SYTL2: variants seen among roughly 807,000 people sequenced by gnomAD.
The protein encoded by SYTL2 is synaptotagmin like 2.
In SYTL2, 165 loss-of-function variants were observed where a neutral mutation model predicts 198.7. That is an observed-to-expected ratio of 0.83 (90% CI 0.73 to 0.94). The LOEUF is 0.94. SYTL2 is among the 40% of genes least tolerant of loss of function. The probability of loss-of-function intolerance (pLI) is 0.00; values close to 1 mark genes in which losing one functional copy is unlikely to be tolerated. For synonymous variants in SYTL2, 966 were observed against 917.7 expected, an observed-to-expected ratio of 1.05 and a Z score of -0.95; for missense variants, 2,835 against 2,582.8, an observed-to-expected ratio of 1.10 and a Z score of -2.12.
intron 1 of SYTL2, among the ~76,000 whole-genome samples, chr11:85,773,394 C>A (rs2092395010): frequency 1.3e-5 from 2 of 152,224 alleles, no homozygotes; most frequent in Admixed American, 1.3e-4. Flanking sequence ...CTCCTTTTGC[C>A]TGCAAGGTCT....
chr11:85,787,698 TTCC>T (rs1357031150), intron 1 of SYTL2, among the ~76,000 whole-genome samples: 13 of 102,588 alleles, frequency 1.3e-4, no homozygotes, highest in Admixed American at 3.3e-4. Context: ...TTTTTTTCTT[TTCC>T]TTTTTTTTTT....
At chr11:85,717,614 T>TGTGAAAC in intron 10 of SYTL2, 84 bp from the exon 11 acceptor site, 1 of 1,139,224 alleles carries the variant, frequency 8.8e-7, no homozygotes, top group Non-Finnish European at 1.3e-6. Flanking sequence ...AAATGTCAGT[T>TGTGAAAC]TCACAACTGA....
the SYTL2 span, among the ~76,000 whole-genome samples, chr11:85,831,437 T>A: frequency 2.6e-5 from 4 of 152,310 alleles, no homozygotes; most frequent in East Asian, 7.7e-4. Context: ...AAAACCCATC[T>A]GAAAAACAAT....
In SYTL2 at chr11:85,727,739, T is replaced by G. The variant is rs539271679; in HGVS notation, c.1619A>C (p.Gln540Pro). 1 of 1,553,884 alleles carries G rather than the reference T, an allele frequency of 6.4e-7. No homozygotes were observed. Among genetic ancestry groups the G allele is most frequent in the South Asian group, 1.2e-5 (1 of 84,336 alleles). ...SYSDDNKSFLQHPRGIESKEK... is the reference protein window; with the variant it reads ...SYSDDNKSFLPHPRGIESKEK... ...TTTGGACTCTATTCCTCGGGGATGT[T>G]GGAGGAATGACTTATTGTCATCTGA... The change falls in exon 8 of 20, where the codon CAA (glutamine) becomes CCA (proline). Residue 540 changes from glutamine to proline, a missense_variant. Transcript: ENST00000359152.
At chr11:85,802,509 A>G (rs1410262011) in intron 1 of SYTL2, among the ~76,000 whole-genome samples, 1 of 152,162 alleles carries the variant, frequency 6.6e-6, no homozygotes, top group Non-Finnish European at 1.5e-5. Flanking sequence ...TTTCCCTGGC[A>G]GTTGCTCTCT....
In SYTL2 at chr11:85,718,810, A is replaced by C; in HGVS notation, c.5462T>G (p.Leu1821Ter). ...TTTACCATCTTCAGCACTACGCACT[A>C]ATTCTTCTGGCTGATTATCTACTTT... ...QAKVDNQPEELVRSAEDDEKP... is the reference protein window; with the variant it reads ...QAKVDNQPEE The change falls in exon 10 of 20, where the codon TTA (leucine) becomes TGA (stop). Residue 1821 changes from leucine (L) to a stop codon, truncating the protein, a stop_gained. Transcript: ENST00000359152. LOFTEE classifies it high-confidence loss of function. 2 of 1,613,694 alleles carry C rather than the reference A, an allele frequency of 1.2e-6. No homozygotes were observed. The highest frequency in any genetic ancestry group is 1.7e-6 in the Non-Finnish European group (2 of 1,179,682).
intron 3 of SYTL2, among the ~76,000 whole-genome samples, chr11:85,747,953 C>G (rs1277855831): frequency 1.3e-5 from 2 of 152,150 alleles, no homozygotes; most frequent in Non-Finnish European, 2.9e-5. Context: ...TCATTTTACT[C>G]AGAAGATTCT....
At chr11:85,791,874 G>A (rs1309344468) in intron 1 of SYTL2, among the ~76,000 whole-genome samples, 1 of 152,064 alleles carries the variant, frequency 6.6e-6, no homozygotes. Context: ...ACTGAGAAAG[G>A]CCCATAACTC....
At chr11:85,729,299 A>C (rs2089565886) in intron 7 of SYTL2, among the ~76,000 whole-genome samples, 1 of 152,226 alleles carries the variant, frequency 6.6e-6, no homozygotes, top group Non-Finnish European at 1.5e-5. Flanking sequence ...TCTTCTCAGC[A>C]CCACATCGCA....
chr11:85,829,234 C>CT, the SYTL2 span, among the ~76,000 whole-genome samples: 1 of 152,124 alleles, frequency 6.6e-6, no homozygotes, highest in African/African-American at 2.4e-5. Context: ...GCCCTGCTCC[C>CT]TCCCTCATCT....
At chr11:85,737,481 AC>A in intron 5 of SYTL2, 93 bp downstream of exon 5, 1 of 996,782 alleles carries the variant, frequency 1.0e-6, no homozygotes, top group Non-Finnish European at 1.5e-6. Context: ...AAACTGTACT[AC>A]AAAATTCTCT....
intron 1 of SYTL2, among the ~76,000 whole-genome samples, chr11:85,761,380 G>T (rs2092092583): frequency 6.6e-6 from 1 of 152,124 alleles, no homozygotes; most frequent in Non-Finnish European, 1.5e-5. Context: ...GATATCCCAG[G>T]GTTCTGAGGT....
the SYTL2 span, among the ~76,000 whole-genome samples, chr11:85,840,520 A>C: frequency 6.5e-4 from 99 of 152,288 alleles, no homozygotes; most frequent in African/African-American, 2.3e-3. Context: ...GTACTGGTAC[A>C]AAAACAGACA....
At chr11:85,718,518 C>T in intron 10 of SYTL2, 1 of 416,674 alleles carries the variant, frequency 2.4e-6, no homozygotes, top group South Asian at 3.6e-5. Flanking sequence ...CAGCTCACAT[C>T]CAAAGAAATA....
At chr11:85,778,780 C>T (rs1016601811) in intron 1 of SYTL2, among the ~76,000 whole-genome samples, 3 of 152,142 alleles carry the variant, frequency 2.0e-5, no homozygotes, top group Non-Finnish European at 4.4e-5. Context: ...AGTTTGAGAC[C>T]AGCCTGGGCC....
chr11:85,727,489 GGT>G lies in SYTL2; in HGVS notation c.1867_1868del (p.Thr623ProfsTer12), dbSNP rs1207010226. The G allele has an allele frequency of 4.6e-6, 7 of 1,535,768 alleles. No individual in the cohort carries two copies. Among genetic ancestry groups the G allele is most frequent in the Non-Finnish European group, 6.1e-6 (7 of 1,146,850 alleles). ...GCAATATACCTGGGCCTTCCTTTGG[GGT>G]GCCTTTTTGGGACAAATTCATGAAT... ...SKFMNLSQKG[T>X]PKEGPGILQP... On this transcript the variant is annotated frameshift_variant, in exon 8 of 20. Coordinates refer to ENST00000359152, the MANE Select transcript of SYTL2 (RefSeq NM_206927.4). LOFTEE classifies it high-confidence loss of function.
At chr11:85,790,138 G>C (rs1301342496) in intron 1 of SYTL2, among the ~76,000 whole-genome samples, 2 of 152,062 alleles carry the variant, frequency 1.3e-5, no homozygotes, top group African/African-American at 2.4e-5. Flanking sequence ...TTTGTGCATA[G>C]AACAAAGTTT....
chr11:85,766,377 A>G (rs140703187), intron 1 of SYTL2, among the ~76,000 whole-genome samples: 63 of 152,348 alleles, frequency 4.1e-4, no homozygotes, highest in Non-Finnish European at 8.1e-4. Flanking sequence ...TAAACTTCAT[A>G]CCTGAGCTGA....
upstream of SYTL2, among the ~76,000 whole-genome samples, chr11:85,811,814 A>G (rs920238996): frequency 6.6e-6 from 1 of 152,136 alleles, no homozygotes; most frequent in Non-Finnish European, 1.5e-5. Context: ...TAAATACAAT[A>G]TTGTGGTCGG....
Sources: allele counts gnomAD v4.1 joint callset (sites outside exome capture counted in the v4.1 genomes callset), GRCh38; gene constraint gnomAD v4.1.1; transcripts MANE v1.5; gene names NCBI Gene and HGNC (gene_info 2026-07-23, HGNC 2026-07-21).